The following MRPL22 variants were observed in gnomAD, a reference collection of about 807,000 sequenced individuals.
The protein encoded by MRPL22 is mitochondrial ribosomal protein L22.
MRPL22 carries 27 observed loss-of-function variants against 32.4 expected under a neutral mutation model. The observed-to-expected ratio is 0.83, with a 90% CI of 0.61 to 1.15. The LOEUF (loss-of-function observed/expected upper bound fraction) is 1.15. MRPL22 is among the 50% of genes most tolerant of loss of function. MRPL22 has a pLI of 0.00. For missense variants in MRPL22, 239 were observed against 260.2 expected, an observed-to-expected ratio of 0.92 and a Z score of 0.56; for synonymous variants, 86 against 87.3, an observed-to-expected ratio of 0.99 and a Z score of 0.08.
intron 2 of MRPL22, among the ~76,000 whole-genome samples, chr5:154,946,683 C>T (rs1253049947): frequency 4.0e-5 from 6 of 151,892 alleles, no homozygotes; most frequent in Non-Finnish European, 7.4e-5. Flanking sequence ...GTGTGGGGTG[C>T]GGTGGTGCGT....
intron 5 of MRPL22, among the ~76,000 whole-genome samples, chr5:154,957,920 T>C (rs1481167650): frequency 1.5e-4 from 22 of 145,514 alleles, no homozygotes; most frequent in Admixed American, 4.1e-4. Flanking sequence ...TTTTCTTTTT[T>C]TTTTTTTTTT....
chr5:154,957,067 C>T, intron 4 of MRPL22, 68 bp from the exon 5 acceptor site: 1 of 1,399,146 alleles, frequency 7.1e-7, no homozygotes, highest in Non-Finnish European at 1.0e-6. Flanking sequence ...GTAAGACTTT[C>T]ATTGAAAAGG....
At chr5:154,965,359 G>GTAGAAGGTA (rs1419961664) in intron 6 of MRPL22, among the ~76,000 whole-genome samples, 3 of 151,978 alleles carry the variant, frequency 2.0e-5, no homozygotes, top group Non-Finnish European at 4.4e-5. Context: ...TCAGAAAATA[G>GTAGAAGGTA]TAGAAGGTAG....
chr5:154,947,639 G>A (rs764781214), intron 2 of MRPL22, among the ~76,000 whole-genome samples: 4 of 152,130 alleles, frequency 2.6e-5, no homozygotes, highest in East Asian at 1.9e-4. Context: ...AAATGTTTAC[G>A]CAGTATCCAC....
At chr5:154,962,306 C>T (rs1387994110) in intron 6 of MRPL22, among the ~76,000 whole-genome samples, 47 of 152,214 alleles carry the variant, frequency 3.1e-4, no homozygotes, top group Non-Finnish European at 2.9e-5. Context: ...GGACTTGAAA[C>T]CCCAGTGGAG....
chr5:154,961,054 T>A (rs1158341605), intron 6 of MRPL22, among the ~76,000 whole-genome samples: 1 of 152,014 alleles, frequency 6.6e-6, no homozygotes, highest in Non-Finnish European at 1.5e-5. Context: ...AAAAAAAAAA[T>A]TATCTAAATT....
At chr5:154,947,756 T>G (rs919558284) in intron 2 of MRPL22, among the ~76,000 whole-genome samples, 1 of 152,182 alleles carries the variant, frequency 6.6e-6, no homozygotes, top group African/African-American at 2.4e-5. Context: ...TTATAGCCAC[T>G]TACGATAGTA....
intron 2 of MRPL22, among the ~76,000 whole-genome samples, chr5:154,941,821 A>G (rs1764420816): frequency 6.6e-6 from 1 of 152,242 alleles, no homozygotes; most frequent in Non-Finnish European, 1.5e-5. Flanking sequence ...TAGCCTTAGG[A>G]CAAAAGCATT....
chr5:154,962,768 C>T (rs944889347), intron 6 of MRPL22, among the ~76,000 whole-genome samples: 2 of 152,094 alleles, frequency 1.3e-5, no homozygotes, highest in Non-Finnish European at 2.9e-5. Context: ...TGATTCATGG[C>T]ATCTAAAGTG....
At chr5:154,960,330 T>C (rs1764685541) in intron 6 of MRPL22, among the ~76,000 whole-genome samples, 1 of 152,240 alleles carries the variant, frequency 6.6e-6, no homozygotes, top group Non-Finnish European at 1.5e-5. Context: ...CATAGAGTGG[T>C]ACTTTAATTG....
intron 2 of MRPL22, among the ~76,000 whole-genome samples, chr5:154,948,190 A>G (rs1764516359): frequency 6.6e-6 from 1 of 152,176 alleles, no homozygotes; most frequent in Non-Finnish European, 1.5e-5. Flanking sequence ...CTTATGGCCA[A>G]TGTTATTTAT....
At chr5:154,960,099 C>A in intron 6 of MRPL22, 50 bp downstream of exon 6, 2 of 1,326,234 alleles carry the variant, frequency 1.5e-6, no homozygotes, top group African/African-American at 1.5e-5. Context: ...AGTAGTAATG[C>A]CATGTTTTTT....
At position 154,941,142 on chromosome 5, in the gene MRPL22, AG is replaced by A. The variant is rs760313993; in HGVS notation, c.28+6del. 6.2e-7 allele frequency: 1 copy of A among 1,614,104 alleles called. No individual in the cohort carries two copies. Among genetic ancestry groups the A allele is most frequent in the Non-Finnish European group, 8.5e-7 (1 of 1,180,026 alleles). ...GCGGCAGTACTGGGACAGTTGGGTA[AG>A]GATTTCTTAGTGGTTAAGCGACAGA... is the stretch of plus-strand genomic sequence containing the variant. On this transcript the variant is annotated splice_donor_5th_base_variant and intron_variant, in intron 1 of 6. Transcript: ENST00000523037.
At chr5:154,962,283 G>A (rs1480876284) in intron 6 of MRPL22, among the ~76,000 whole-genome samples, 3 of 152,076 alleles carry the variant, frequency 2.0e-5, no homozygotes, top group Non-Finnish European at 4.4e-5. Flanking sequence ...CCAGGCCTCG[G>A]CACAGACCCA....
chr5:154,956,296 A>G, intron 3 of MRPL22, 75 bp from the exon 4 acceptor site: 1 of 962,264 alleles, frequency 1.0e-6, no homozygotes, highest in Non-Finnish European at 1.6e-6. Flanking sequence ...AACTTAAATA[A>G]CAGTATATGT....
At chr5:154,957,509 A>G (rs914804143) in intron 5 of MRPL22, among the ~76,000 whole-genome samples, 3 of 152,010 alleles carry the variant, frequency 2.0e-5, no homozygotes, top group Non-Finnish European at 4.4e-5. Context: ...CTTGGTACGT[A>G]TATGTGTGTA....
chr5:154,966,955 CAAAA>C lies in MRPL22; in HGVS notation c.*60_*63del, dbSNP rs1248980768. The C allele has an allele frequency of 1.3e-6, 2 of 1,485,250 alleles. No homozygotes were observed. Among genetic ancestry groups the C allele is most frequent in the Non-Finnish European group, 1.8e-6 (2 of 1,102,696 alleles). The allele number at this position is 1,485,250 out of a possible 1,614,324, so 92.0% of individuals were successfully genotyped here. ...TTGCCATTTATTTTCTAAAAATAAA[CAAAA>C]ATTGAAGGCAAATGCTTTTTATGAT... is the stretch of plus-strand genomic sequence containing the variant. On this transcript the variant is annotated 3_prime_UTR_variant, in exon 7 of 7. Transcript: ENST00000523037.
At chr5:154,948,116 A>G (rs1163150753) in intron 2 of MRPL22, among the ~76,000 whole-genome samples, 5 of 152,198 alleles carry the variant, frequency 3.3e-5, no homozygotes, top group African/African-American at 9.7e-5. Flanking sequence ...ATGCCCAGAC[A>G]TATACAAAAG....
At chr5:154,966,604 A>G (rs1317793127) in intron 6 of MRPL22, 82 bp from the exon 7 acceptor site, 1 of 1,438,202 alleles carries the variant, frequency 7.0e-7, no homozygotes. Flanking sequence ...GAATCCAGTC[A>G]AGGAAAGGAC....
Sources: allele counts gnomAD v4.1 joint callset (sites outside exome capture counted in the v4.1 genomes callset), GRCh38; gene constraint gnomAD v4.1.1; transcripts MANE v1.5; gene names NCBI Gene and HGNC (gene_info 2026-07-23, HGNC 2026-07-21).